Variants in ATPAF1 observed in about 807,000 individuals in gnomAD.
ATPAF1 encodes homolog of yeast ATP11.
In ATPAF1, 26 loss-of-function variants were observed where a neutral mutation model predicts 43.9. The ratio of observed to expected loss-of-function variants is 0.59; its 90% CI spans 0.43 to 0.82. The LOEUF (loss-of-function observed/expected upper bound fraction) is 0.82, where lower values mean the gene tolerates loss of function less well. ATPAF1 is among the 40% of genes least tolerant of loss of function. The pLI, the probability that ATPAF1 is intolerant of heterozygous loss-of-function variation, is 0.00. For missense variants in ATPAF1, 366 were observed against 435.0 expected (o/e 0.84, Z 1.41); for synonymous variants, 157 against 168.0 (o/e 0.93, Z 0.50).
downstream of ATPAF1, chr1:46,632,827 A>G (rs1279911786): frequency 1.3e-5 from 2 of 152,648 alleles, no homozygotes; most frequent in African/African-American, 2.4e-5. Context: ...GCGAACAGAG[A>G]TAAGTCCTGG....
intron 4 of ATPAF1, among the ~76,000 whole-genome samples, chr1:46,656,589 A>G (rs1464577025): frequency 6.6e-6 from 1 of 152,218 alleles, no homozygotes; most frequent in East Asian, 1.9e-4. Flanking sequence ...ACAGTTTATG[A>G]ATCAAAACTG....
intron 3 of ATPAF1, 113 bp from the exon 4 acceptor site, chr1:46,658,302 AAAGTAGAAAAC>A: frequency 1.1e-6 from 1 of 876,648 alleles, no homozygotes; most frequent in Non-Finnish European, 1.8e-6. Context: ...CAGATTTCCA[AAAGTAGAAAAC>A]AAGTATAAGA....
intron 4 of ATPAF1, among the ~76,000 whole-genome samples, chr1:46,655,379 T>C (rs562585432): frequency 3.8e-4 from 58 of 152,266 alleles, no homozygotes; most frequent in African/African-American, 1.4e-3. Flanking sequence ...AAGTCCTACC[T>C]CTGCTTGACA....
intron 6 of ATPAF1, among the ~76,000 whole-genome samples, chr1:46,651,202 A>T (rs757981703): frequency 7.0e-6 from 1 of 143,692 alleles, no homozygotes; most frequent in Non-Finnish European, 1.5e-5. Context: ...TCCTGTGTCC[A>T]TGTGTTCTCA....
chr1:46,663,118 T>A (rs1454912190), intron 2 of ATPAF1, among the ~76,000 whole-genome samples: 1 of 152,226 alleles, frequency 6.6e-6, no homozygotes. Flanking sequence ...GAACTCATCA[T>A]TTTTTATGGC....
intron 3 of ATPAF1, among the ~76,000 whole-genome samples, 179 bp downstream of exon 3, chr1:46,658,508 T>C (rs1407487365): frequency 1.4e-5 from 2 of 144,340 alleles, no homozygotes; most frequent in Non-Finnish European, 3.0e-5. Flanking sequence ...TAAACTGCTA[T>C]GCTAGGGGTC....
At chr1:46,646,511 T>C (rs531821356) in intron 6 of ATPAF1, among the ~76,000 whole-genome samples, 11 of 152,094 alleles carry the variant, frequency 7.2e-5, no homozygotes, top group African/African-American at 2.7e-4. Context: ...TGGGGATGAG[T>C]AGTAGAGAAA....
At chr1:46,634,994 G>A (rs879817629), downstream of ATPAF1, 2 of 152,236 alleles carry the variant, frequency 1.3e-5, no homozygotes, top group African/African-American at 4.8e-5. Context: ...CCACTTTTTC[G>A]TATCATGTTT....
At chr1:46,654,130 A>G (rs1463852991) in intron 4 of ATPAF1, among the ~76,000 whole-genome samples, 1 of 152,186 alleles carries the variant, frequency 6.6e-6, no homozygotes, top group Non-Finnish European at 1.5e-5. Context: ...TCCTCTTAAT[A>G]TGTGCCTTGT....
At chr1:46,633,979 G>A, downstream of ATPAF1, 1 of 385,146 alleles carries the variant, frequency 2.6e-6, no homozygotes, top group Non-Finnish European at 5.1e-6. Flanking sequence ...AAGATAAACT[G>A]CCAGGACCAG....
At chr1:46,642,788 A>G (rs1675973157) in intron 8 of ATPAF1, among the ~76,000 whole-genome samples, 1 of 150,936 alleles carries the variant, frequency 6.6e-6, no homozygotes. Context: ...ATACTATATA[A>G]CTATATTATG....
At chr1:46,635,556 A>C in exon 9 of ATPAF1, 3 of 527,414 alleles carry the variant, frequency 5.7e-6, no homozygotes, top group Non-Finnish European at 3.3e-6. Context: ...AAAAAAGGAA[A>C]CCTCAAGTAT....
intron 6 of ATPAF1, chr1:46,652,325 C>T (rs1676186781): frequency 2.9e-6 from 1 of 347,996 alleles, no homozygotes; most frequent in East Asian, 4.4e-5. Context: ...AGCTAAAAAG[C>T]CAGAGGCTTA....
At chr1:46,666,662 A>G (rs1410310658) in intron 1 of ATPAF1, among the ~76,000 whole-genome samples, 1 of 152,236 alleles carries the variant, frequency 6.6e-6, no homozygotes, top group Non-Finnish European at 1.5e-5. Flanking sequence ...CCTTACCTGG[A>G]ACATCCCCTC....
At chr1:46,643,342 T>C in intron 7 of ATPAF1, 41 bp from the exon 8 acceptor site, 6 of 1,492,504 alleles carry the variant, frequency 4.0e-6, no homozygotes, top group Non-Finnish European at 5.6e-6. Context: ...TAAGGTACCA[T>C]CACAACAAAC....
At chr1:46,650,549 A>G (rs1044262191) in intron 6 of ATPAF1, among the ~76,000 whole-genome samples, 16 of 152,178 alleles carry the variant, frequency 1.1e-4, no homozygotes, top group Non-Finnish European at 2.1e-4. Flanking sequence ...GGAAATTAGT[A>G]TGTTGAAGAG....
intron 8 of ATPAF1, 40 bp from the exon 9 acceptor site, chr1:46,636,010 G>C (rs775064279): frequency 6.9e-6 from 11 of 1,600,652 alleles, no homozygotes; most frequent in East Asian, 2.2e-5. Flanking sequence ...TTCTTGCACA[G>C]GGCCACAAAG....
chr1:46,668,445 A>G (rs1676535119), upstream of ATPAF1: 1 of 1,037,678 alleles, frequency 9.6e-7, no homozygotes, highest in Non-Finnish European at 1.2e-6. This position sits in a 1 kb window ranked among gnomAD's most constrained non-coding sequence, Gnocchi z 4.4. Flanking sequence ...CGCGCGCCCA[A>G]GGTTCCGGGC....
intron 2 of ATPAF1, chr1:46,664,960 G>A (rs1569641713): frequency 6.4e-6 from 2 of 314,144 alleles, no homozygotes; most frequent in East Asian, 6.1e-5. Context: ...CATCTCCCAT[G>A]GGAAATTTTC....
Sources: gnomAD v4.1 joint callset for allele counts (sites outside exome capture counted in the v4.1 genomes callset) on GRCh38, gnomAD v4.1.1 for gene constraint, Gnocchi (gnomAD v3.1) non-coding constraint, MANE v1.5 for transcripts, NCBI Gene and HGNC (gene_info 2026-07-23, HGNC 2026-07-21) for gene names.